Variants in HEMK2 observed in about 807,000 individuals in gnomAD.
HEMK2 encodes the protein methyltransferase HEMK2.
the HEMK2 span, among the ~76,000 whole-genome samples, chr21:28,839,895 G>C: frequency 6.6e-6 from 1 of 152,060 alleles, no homozygotes; most frequent in Non-Finnish European, 1.5e-5. Flanking sequence ...CGAAAAAAGA[G>C]CCTGCAGAGC....
At chr21:28,605,787 G>C in the HEMK2 span, among the ~76,000 whole-genome samples, 1 of 152,142 alleles carries the variant, frequency 6.6e-6, no homozygotes, top group Admixed American at 6.5e-5. Flanking sequence ...TTTAAGGCCA[G>C]TTTTGATTGA....
chr21:28,602,547 T>C, the HEMK2 span, among the ~76,000 whole-genome samples: 1 of 152,186 alleles, frequency 6.6e-6, no homozygotes, highest in African/African-American at 2.4e-5. Context: ...TCCCATGCTG[T>C]CTTCACTATG....
chr21:28,788,597 G>A, the HEMK2 span, among the ~76,000 whole-genome samples: 2 of 151,236 alleles, frequency 1.3e-5, no homozygotes, highest in Admixed American at 6.6e-5. Flanking sequence ...GGTGGTGGGT[G>A]AGCCAAAATC....
At chr21:28,813,038 G>A in the HEMK2 span, among the ~76,000 whole-genome samples, 3 of 151,780 alleles carry the variant, frequency 2.0e-5, no homozygotes, top group Non-Finnish European at 4.4e-5. Flanking sequence ...TTGAAAACCC[G>A]CACAAGACAA....
the HEMK2 span, among the ~76,000 whole-genome samples, chr21:28,653,922 C>G: frequency 6.6e-6 from 1 of 152,096 alleles, no homozygotes; most frequent in Non-Finnish European, 1.5e-5. Context: ...ATCTTTTTAT[C>G]CCTTGAAGTC....
At chr21:28,674,436 G>C in the HEMK2 span, among the ~76,000 whole-genome samples, 2 of 152,044 alleles carry the variant, frequency 1.3e-5, no homozygotes, top group African/African-American at 4.8e-5. Flanking sequence ...TCTGGATCTG[G>C]ACCCCCTTCT....
At chr21:28,679,695 ACTGT>A in the HEMK2 span, among the ~76,000 whole-genome samples, 6 of 152,190 alleles carry the variant, frequency 3.9e-5, no homozygotes, top group Non-Finnish European at 8.8e-5. Context: ...ATTATAACAA[ACTGT>A]CTCTCAGACC....
the HEMK2 span, among the ~76,000 whole-genome samples, chr21:28,667,853 C>T: frequency 3.9e-4 from 60 of 152,154 alleles, no homozygotes; most frequent in African/African-American, 1.4e-3. Flanking sequence ...TAATCACTAC[C>T]TCATAGAGTT....
the HEMK2 span, among the ~76,000 whole-genome samples, chr21:28,784,181 C>T: frequency 1.3e-5 from 2 of 152,236 alleles, no homozygotes; most frequent in Non-Finnish European, 2.9e-5. Flanking sequence ...CTGCCTGCGG[C>T]CCCGGTGTAG....
the HEMK2 span, among the ~76,000 whole-genome samples, chr21:28,628,460 C>CT: frequency 4.6e-5 from 7 of 151,892 alleles, no homozygotes; most frequent in South Asian, 6.2e-4. Flanking sequence ...CAAAGGTTTT[C>CT]TTTTTTTTGA....
At chr21:28,606,071 C>T in the HEMK2 span, among the ~76,000 whole-genome samples, 1 of 152,064 alleles carries the variant, frequency 6.6e-6, no homozygotes, top group African/African-American at 2.4e-5. Flanking sequence ...AACTGCAGAC[C>T]TGAGAAAGTA....
the HEMK2 span, among the ~76,000 whole-genome samples, chr21:28,622,615 C>T: frequency 6.6e-6 from 1 of 152,144 alleles, no homozygotes; most frequent in Non-Finnish European, 1.5e-5. Context: ...CAGCATGGTA[C>T]TAGTACCAAA....
the HEMK2 span, chr21:28,878,092 C>G: frequency 9.6e-7 from 1 of 1,046,280 alleles, no homozygotes; most frequent in East Asian, 2.9e-5. Flanking sequence ...TTAAGTGATT[C>G]ATTAACATGC....
At chr21:28,608,882 T>A in the HEMK2 span, among the ~76,000 whole-genome samples, 2 of 151,870 alleles carry the variant, frequency 1.3e-5, no homozygotes, top group South Asian at 4.2e-4. Flanking sequence ...CACACCCCCA[T>A]CCCTCACAGC....
chr21:28,817,939 A>C, the HEMK2 span, among the ~76,000 whole-genome samples: 1 of 152,196 alleles, frequency 6.6e-6, no homozygotes, highest in Non-Finnish European at 1.5e-5. Context: ...TAGATAAATA[A>C]GTCAACCCTC....
chr21:28,673,454 C>A, the HEMK2 span, among the ~76,000 whole-genome samples: 1 of 150,610 alleles, frequency 6.6e-6, no homozygotes, highest in Non-Finnish European at 1.5e-5. Context: ...ATATTCTCAG[C>A]AACATTCCAA....
the HEMK2 span, among the ~76,000 whole-genome samples, chr21:28,625,054 A>G: frequency 6.6e-6 from 1 of 152,192 alleles, no homozygotes; most frequent in African/African-American, 2.4e-5. Context: ...CTTTTTACAA[A>G]TCCTCAGCCT....
chr21:28,872,954 T>A, the HEMK2 span: 1 of 152,212 alleles, frequency 6.6e-6, no homozygotes, highest in Non-Finnish European at 1.5e-5. Context: ...AGAATAATGT[T>A]TAAACAGATA....
the HEMK2 span, among the ~76,000 whole-genome samples, chr21:28,580,114 T>C: frequency 6.6e-6 from 1 of 152,196 alleles, no homozygotes; most frequent in Admixed American, 6.5e-5. Flanking sequence ...ATATAGTTGA[T>C]AGGTGACTCG....
Sources: gnomAD v4.1 joint callset for allele counts (sites outside exome capture counted in the v4.1 genomes callset) on GRCh38, gnomAD v4.1.1 for gene constraint, MANE v1.5 for transcripts, NCBI Gene and HGNC (gene_info 2026-07-23, HGNC 2026-07-21) for gene names.